Variants in JAZF1 observed in about 807,000 individuals in gnomAD.
The protein encoded by JAZF1 is JAZF zinc finger 1.
In JAZF1, 8 loss-of-function variants were observed where a neutral mutation model predicts 26.4. The observed-to-expected ratio is 0.30, with a 90% CI of 0.18 to 0.55. The LOEUF (loss-of-function observed/expected upper bound fraction) is 0.55, where lower values mean the gene tolerates loss of function less well. JAZF1 is among the 20% of genes least tolerant of loss of function. JAZF1 has a pLI of 0.94. For synonymous variants in JAZF1, 126 were observed against 122.3 expected (o/e 1.03, Z -0.20); for missense variants, 199 against 322.0 (o/e 0.62, Z 2.92).
chr7:27,888,761 A>G (rs1243816870), intron 3 of JAZF1, among the ~76,000 whole-genome samples: 1 of 152,238 alleles, frequency 6.6e-6, no homozygotes, highest in East Asian at 1.9e-4. Flanking sequence ...ATTTTATATT[A>G]AGAATCTAAA....
intron 2 of JAZF1, among the ~76,000 whole-genome samples, chr7:27,938,250 C>A (rs1364267182): frequency 6.6e-6 from 1 of 152,224 alleles, no homozygotes; most frequent in Non-Finnish European, 1.5e-5. Context: ...TTTATGTCCT[C>A]TTCTCTTTAG....
intron 1 of JAZF1, among the ~76,000 whole-genome samples, chr7:28,044,779 G>T (rs952608592): frequency 2.0e-5 from 3 of 152,184 alleles, no homozygotes; most frequent in African/African-American, 7.2e-5. Context: ...AATCATCAGA[G>T]AATTCCTAGG....
chr7:28,043,050 T>G (rs1343767151), intron 1 of JAZF1, among the ~76,000 whole-genome samples: 2 of 152,158 alleles, frequency 1.3e-5, no homozygotes, highest in African/African-American at 2.4e-5. Flanking sequence ...AAGACAGATT[T>G]GAAACTGCTG....
rs140580732 is a variant in JAZF1, at chr7:27,885,151, T to C, written c.385+10069A>G. Among the ~76,000 whole-genome samples, 235 of 152,286 alleles carry C rather than the reference T, an allele frequency of 1.5e-3. 1 individual carries two copies. The highest frequency in any genetic ancestry group is 5.3e-3 in the African/African-American group (220 of 41,560). Reference sequence around the variant, plus strand: ...AGTGGGATGTTCAATTCTACACACCTTAAAGGGAATCTGAAATGTAAAAGT... The same window carrying C: ...AGTGGGATGTTCAATTCTACACACCCTAAAGGGAATCTGAAATGTAAAAGT... On this transcript the variant is annotated intron_variant, in intron 3 of 4. Transcript: ENST00000283928.
intron 1 of JAZF1, among the ~76,000 whole-genome samples, chr7:28,072,951 ACAAAGACAACCTCTCTCACCT>A (rs1783999310): frequency 6.6e-6 from 1 of 152,242 alleles, no homozygotes; most frequent in East Asian, 1.9e-4. Context: ...TAAGAAAAGT[ACAAAGACAACCTCTCTCACCT>A]TGTTCCCCTC....
At chr7:27,994,462 C>CA (rs58536495) in intron 1 of JAZF1, among the ~76,000 whole-genome samples, 92 of 67,668 alleles carry the variant, frequency 1.4e-3, no homozygotes, top group Non-Finnish European at 1.9e-3. Context: ...AAACAAAAAA[C>CA]AAAAAAAAAC....
intron 3 of JAZF1, among the ~76,000 whole-genome samples, chr7:27,854,365 T>G (rs1188418451): frequency 2.0e-5 from 3 of 152,248 alleles, no homozygotes; most frequent in Non-Finnish European, 4.4e-5. Context: ...TCAGCCTGTT[T>G]GCATTTAAGG....
At chr7:28,054,809 G>T (rs1429379613) in intron 1 of JAZF1, among the ~76,000 whole-genome samples, 3 of 152,046 alleles carry the variant, frequency 2.0e-5, no homozygotes, top group Non-Finnish European at 4.4e-5. Context: ...TGCTCAGGAA[G>T]GAAGGGGAGG....
In JAZF1 at chr7:27,938,591, A is replaced by T. The variant is rs117310946; in HGVS notation, c.189-43175T>A. ...TAATACAGTTGTGAGGATTGAATGAATACAATGCAAAGTGCTTCAAATGGT... is the reference window on the plus strand; with the variant it reads ...TAATACAGTTGTGAGGATTGAATGATTACAATGCAAAGTGCTTCAAATGGT... On this transcript the variant is annotated intron_variant, in intron 2 of 4. Transcript: ENST00000283928. Among the ~76,000 whole-genome samples, 477 of 152,328 alleles carry T rather than the reference A, an allele frequency of 3.1e-3. 3 individuals carry two copies. Among genetic ancestry groups the T allele is most frequent in the South Asian group, 0.013 (61 of 4,826 alleles).
chr7:28,049,998 G>C lies in JAZF1; in HGVS notation c.116-58017C>G, dbSNP rs1472040976. Among the ~76,000 whole-genome samples, 4 of 151,970 alleles carry C rather than the reference G, an allele frequency of 2.6e-5. No individual in the cohort carries two copies. The South Asian group carries it at 8.4e-4, about 32-fold the overall frequency. ...TCCCCTCCCTAAGGCTGGCAGGTGC[G>C]GCTGAAAGCTCCAACCTTCTAACCA... On this transcript the variant is annotated intron_variant, in intron 1 of 4. Transcript: ENST00000283928.
At chr7:28,003,249 A>C (rs1026523130) in intron 1 of JAZF1, among the ~76,000 whole-genome samples, 1 of 152,272 alleles carries the variant, frequency 6.6e-6, no homozygotes, top group Middle Eastern at 3.4e-3. Flanking sequence ...CTCTTTAAAA[A>C]TGTATCATAC....
chr7:28,170,744 C>G (rs1344966324), intron 1 of JAZF1, among the ~76,000 whole-genome samples: 2 of 152,114 alleles, frequency 1.3e-5, no homozygotes, highest in African/African-American at 4.8e-5. Context: ...TTTATTTCTC[C>G]AAGACTTTCA....
intron 1 of JAZF1, among the ~76,000 whole-genome samples, chr7:28,138,622 G>C (rs1021970012): frequency 6.6e-6 from 1 of 152,204 alleles, no homozygotes; most frequent in African/African-American, 2.4e-5. Context: ...CTAAATCCTA[G>C]TAGGCTTCTC....
chr7:27,858,680 G>A (rs1783318668), intron 3 of JAZF1, among the ~76,000 whole-genome samples: 1 of 152,186 alleles, frequency 6.6e-6, no homozygotes, highest in Non-Finnish European at 1.5e-5. Context: ...CTAGCCATAT[G>A]CAGAAAACTG....
intron 1 of JAZF1, among the ~76,000 whole-genome samples, chr7:28,006,952 C>G (rs924570442): frequency 6.6e-6 from 1 of 152,112 alleles, no homozygotes; most frequent in African/African-American, 2.4e-5. Flanking sequence ...TAACTATTAG[C>G]ATAAAACATT....
At chr7:28,173,199 C>T (rs772972680) in intron 1 of JAZF1, among the ~76,000 whole-genome samples, 49 of 152,260 alleles carry the variant, frequency 3.2e-4, no homozygotes, top group Middle Eastern at 3.4e-3. Context: ...AATAAATCTG[C>T]CTCTGTGGTC....
chr7:27,902,254 T>A (rs1257156781), intron 2 of JAZF1, among the ~76,000 whole-genome samples: 1 of 152,248 alleles, frequency 6.6e-6, no homozygotes, highest in Non-Finnish European at 1.5e-5. Flanking sequence ...TAAAAAATTA[T>A]GAATAATGAA....
chr7:27,995,744 A>G (rs192419740), intron 1 of JAZF1, among the ~76,000 whole-genome samples: 39 of 152,322 alleles, frequency 2.6e-4, no homozygotes, highest in Admixed American at 1.9e-3. Flanking sequence ...TTGGCTATGT[A>G]ACACTAGACA....
intron 2 of JAZF1, among the ~76,000 whole-genome samples, chr7:27,937,973 G>C (rs776394410): frequency 2.0e-5 from 3 of 152,116 alleles, no homozygotes; most frequent in Non-Finnish European, 4.4e-5. Flanking sequence ...CTTAGCAATA[G>C]ATCTTGGACA....
Sources: gnomAD v4.1 joint callset for allele counts (sites outside exome capture counted in the v4.1 genomes callset) on GRCh38, gnomAD v4.1.1 for gene constraint, MANE v1.5 for transcripts, NCBI Gene and HGNC (gene_info 2026-07-23, HGNC 2026-07-21) for gene names.